The following TRMT11 variants were observed in gnomAD, a reference collection of about 807,000 sequenced individuals.
The protein encoded by TRMT11 is tRNA methyltransferase 11.
TRMT11 carries 53 observed loss-of-function variants against 62.8 expected under a neutral mutation model. The ratio of observed to expected loss-of-function variants is 0.84; its 90% CI spans 0.68 to 1.06. The LOEUF is 1.06. Among genes scored for constraint, TRMT11 ranks in the 50% least tolerant of loss-of-function variants. The pLI is 0.00. For synonymous variants in TRMT11, 188 were observed against 190.3 expected (o/e 0.99, Z 0.10); for missense variants, 556 against 553.4 (o/e 1.00, Z -0.05).
At chr6:125,991,836 A>G (rs941285337) in intron 1 of TRMT11, among the ~76,000 whole-genome samples, 3 of 152,300 alleles carry the variant, frequency 2.0e-5, no homozygotes, top group African/African-American at 7.2e-5. Context: ...TTAATGTAGT[A>G]CTTATTGTAC....
intron 20 of TRMT11, among the ~76,000 whole-genome samples, chr6:126,115,741 A>G (rs1344733033): frequency 6.6e-6 from 1 of 152,004 alleles, no homozygotes; most frequent in East Asian, 1.9e-4. Context: ...TTCACCATCT[A>G]GCTCTTAGGT....
downstream of TRMT11, among the ~76,000 whole-genome samples, chr6:126,043,775 G>A (rs1205891588): frequency 2.9e-4 from 44 of 150,226 alleles, no homozygotes; most frequent in East Asian, 7.7e-3. Flanking sequence ...ATCTCATTGT[G>A]GTTTTGATTT....
intron 21 of TRMT11, among the ~76,000 whole-genome samples, chr6:126,132,026 A>T (rs151142156): frequency 6.6e-6 from 1 of 152,190 alleles, no homozygotes; most frequent in East Asian, 1.9e-4. Context: ...GTGCCAATGC[A>T]TACCCATTCT....
At chr6:126,219,058 T>C in the TRMT11 span, among the ~76,000 whole-genome samples, 268 of 152,298 alleles carry the variant, frequency 1.8e-3, 2 homozygotes, top group African/African-American at 6.1e-3. Flanking sequence ...CTCCGTGCCA[T>C]GTGGCCGCTG....
downstream of TRMT11, among the ~76,000 whole-genome samples, chr6:126,203,026 T>A (rs548219583): frequency 1.3e-5 from 2 of 152,208 alleles, no homozygotes; most frequent in African/African-American, 4.8e-5. Flanking sequence ...CAGCAAAGTA[T>A]GAATTTCTGA....
At chr6:126,241,358 C>A in the TRMT11 span, among the ~76,000 whole-genome samples, 3 of 152,166 alleles carry the variant, frequency 2.0e-5, no homozygotes, top group Non-Finnish European at 4.4e-5. Flanking sequence ...CGAATTCTAC[C>A]AGAGGTACAA....
chr6:126,035,573 G>A (rs1775034500), intron 12 of TRMT11, among the ~76,000 whole-genome samples: 2 of 152,084 alleles, frequency 1.3e-5, no homozygotes, highest in Admixed American at 6.6e-5. Flanking sequence ...TAAGGTTAAT[G>A]ATCTTTCCCA....
At chr6:126,185,710 A>G (rs1268463263) in intron 1 of TRMT11, among the ~76,000 whole-genome samples, 1 of 152,162 alleles carries the variant, frequency 6.6e-6, no homozygotes, top group African/African-American at 2.4e-5. Context: ...CTATGAAGAA[A>G]TACCTGAGAC....
At chr6:126,244,893 G>A in the TRMT11 span, among the ~76,000 whole-genome samples, 1 of 152,134 alleles carries the variant, frequency 6.6e-6, no homozygotes, top group Non-Finnish European at 1.5e-5. Flanking sequence ...AAACAATTTG[G>A]TCAAGACGTT....
At chr6:126,040,003 T>C (rs951486659), downstream of TRMT11, among the ~76,000 whole-genome samples, 3 of 152,046 alleles carry the variant, frequency 2.0e-5, no homozygotes, top group Non-Finnish European at 4.4e-5. Flanking sequence ...TTTGTTTGGG[T>C]TTCTGGATGT....
At chr6:126,256,903 C>T in the TRMT11 span, among the ~76,000 whole-genome samples, 47 of 151,722 alleles carry the variant, frequency 3.1e-4, no homozygotes, top group Admixed American at 4.6e-4. Context: ...GTTTGTTTTT[C>T]GAGATGGAGT....
chr6:126,162,692 G>A (rs1032760778), intron 21 of TRMT11, among the ~76,000 whole-genome samples: 1 of 152,182 alleles, frequency 6.6e-6, no homozygotes, highest in African/African-American at 2.4e-5. Flanking sequence ...TCCTATCCAT[G>A]AGCATGGAAT....
At chr6:126,155,971 C>T (rs900275596) in intron 21 of TRMT11, among the ~76,000 whole-genome samples, 6 of 152,234 alleles carry the variant, frequency 3.9e-5, no homozygotes, top group Admixed American at 2.0e-4. Flanking sequence ...CATGATCCGC[C>T]GGCCTCAGCC....
intron 12 of TRMT11, among the ~76,000 whole-genome samples, chr6:126,030,346 G>C (rs554679828): frequency 1.3e-3 from 200 of 152,208 alleles, no homozygotes; most frequent in African/African-American, 4.2e-3. Flanking sequence ...ACTGAGCCCC[G>C]TTATATTCAG....
intron 18 of TRMT11, among the ~76,000 whole-genome samples, chr6:126,113,870 A>G (rs1027666654): frequency 6.6e-6 from 1 of 152,058 alleles, no homozygotes; most frequent in African/African-American, 2.4e-5. Flanking sequence ...CAATAATCTG[A>G]GCAGATTCTG....
At chr6:126,143,954 A>G (rs1777947043) in intron 21 of TRMT11, among the ~76,000 whole-genome samples, 2 of 152,220 alleles carry the variant, frequency 1.3e-5, no homozygotes, top group South Asian at 4.1e-4. Flanking sequence ...GAGGACAACA[A>G]TTTACCAGTT....
intron 21 of TRMT11, among the ~76,000 whole-genome samples, chr6:126,168,819 G>C (rs1049364411): frequency 1.3e-5 from 2 of 152,134 alleles, no homozygotes; most frequent in East Asian, 3.9e-4. Flanking sequence ...GCCCTGCCAT[G>C]AAAAGAAATG....
chr6:126,235,962 G>A, the TRMT11 span, among the ~76,000 whole-genome samples: 11 of 152,206 alleles, frequency 7.2e-5, no homozygotes, highest in African/African-American at 1.9e-4. Context: ...ATGTGAATAT[G>A]TTGGTACCTA....
chr6:126,192,585 A>G (rs1467314063), intron 1 of TRMT11, among the ~76,000 whole-genome samples: 1 of 152,126 alleles, frequency 6.6e-6, no homozygotes, highest in African/African-American at 2.4e-5. Context: ...GGATTGTCAT[A>G]TATGGCTTTC....
Sources: gnomAD v4.1 joint callset for allele counts (sites outside exome capture counted in the v4.1 genomes callset) on GRCh38, gnomAD v4.1.1 for gene constraint, MANE v1.5 for transcripts, NCBI Gene and HGNC (gene_info 2026-07-23, HGNC 2026-07-21) for gene names.